Variants in TMEM131 observed in about 807,000 individuals in gnomAD.
The protein encoded by TMEM131 is transmembrane protein 131.
A neutral mutation model predicts 211.6 loss-of-function variants in TMEM131; 66 were observed. The ratio of observed to expected loss-of-function variants is 0.31; its 90% confidence interval spans 0.26 to 0.38. The LOEUF (loss-of-function observed/expected upper bound fraction) is 0.38. Ranked by LOEUF, TMEM131 falls within the 10% of genes least tolerant of loss-of-function variation. The pLI is 1.00. For missense variants in TMEM131, 2,036 were observed against 2,299.3 expected, an observed-to-expected ratio of 0.89 and a Z score of 2.34; for synonymous variants, 844 against 841.3, an observed-to-expected ratio of 1.00 and a Z score of -0.06.
intron 11 of TMEM131, among the ~76,000 whole-genome samples, chr2:97,819,396 A>G (rs1682003001): frequency 6.6e-6 from 1 of 152,210 alleles, no homozygotes; most frequent in African/African-American, 2.4e-5. Flanking sequence ...TTTAAGGTAC[A>G]GTTATTTTTT....
intron 2 of TMEM131, among the ~76,000 whole-genome samples, chr2:97,921,817 G>A (rs978096769): frequency 6.6e-6 from 1 of 152,178 alleles, no homozygotes; most frequent in Admixed American, 6.5e-5. Flanking sequence ...TCAGCTTTAT[G>A]AGAAATCAGG....
intron 5 of TMEM131, among the ~76,000 whole-genome samples, chr2:97,852,312 C>A (rs980098836): frequency 2.0e-5 from 3 of 152,074 alleles, no homozygotes; most frequent in African/African-American, 7.2e-5. Context: ...TAGGTGCACA[C>A]CACCACACCC....
Position 97,834,644 on chromosome 2 carries a change from T to C in TMEM131, c.989A>G (p.Asp330Gly). 1 of 1,566,570 alleles carries C rather than the reference T, an allele frequency of 6.4e-7. No individual in the cohort carries two copies. The highest frequency in any genetic ancestry group is 2.0e-5 in the Admixed American group (1 of 49,640). Reference protein sequence around the residue: ...PGIYSSTEMLDFGTLRTQDLP... With the variant: ...PGIYSSTEMLGFGTLRTQDLP... Reference sequence around the variant, plus strand: ...ACCTTGTGTTCTTAGTGTACCAAAATCTAACATTTCAGTTGAGGAATAAAT... The same window carrying C: ...ACCTTGTGTTCTTAGTGTACCAAAACCTAACATTTCAGTTGAGGAATAAAT... Residue 330 changes from aspartate (D) to glycine (G), a missense_variant, in exon 10 of 41, where the codon GAT (aspartate) becomes GGT (glycine). Asp to Gly is a moderately conservative substitution (Grantham distance 94). This residue lies in a region of TMEM131 where 277 missense variants were observed against 378.0 expected (regional missense o/e 0.73). Coordinates refer to ENST00000186436, the MANE Select transcript of TMEM131 (RefSeq NM_015348.2).
chr2:97,756,517 A>C lies in TMEM131; in HGVS notation c.*582T>G, dbSNP rs6875. 6.6e-6 allele frequency: 1 copy of C among 152,184 alleles called. No individual in the cohort carries two copies. The highest frequency in any genetic ancestry group is 2.4e-5 in the African/African-American group (1 of 41,414). The allele number at this position is 152,184 out of a possible 1,614,324, so 9.4% of individuals were successfully genotyped here. ...CAGCACAGAAAATGCATATGGTCTC[A>C]ACTGAATGTTTTTACATTCATTCAC... On this transcript the variant is annotated 3_prime_UTR_variant, in exon 41 of 41. Coordinates refer to ENST00000186436, the MANE Select transcript of TMEM131 (RefSeq NM_015348.2).
intron 29 of TMEM131, 23 bp downstream of exon 29, chr2:97,794,907 A>C: frequency 6.5e-7 from 1 of 1,543,022 alleles, no homozygotes; most frequent in Middle Eastern, 1.7e-4. Flanking sequence ...AATGAATATG[A>C]ACCTTGAAAC....
intron 10 of TMEM131, 72 bp downstream of exon 10, chr2:97,834,549 C>A: frequency 9.4e-7 from 1 of 1,068,580 alleles, no homozygotes; most frequent in Non-Finnish European, 1.3e-6. Flanking sequence ...CATAGTAGAG[C>A]CATTCAGCAC....
At chr2:97,912,505 A>G (rs1676330196) in intron 2 of TMEM131, among the ~76,000 whole-genome samples, 1 of 152,204 alleles carries the variant, frequency 6.6e-6, no homozygotes, top group African/African-American at 2.4e-5. Context: ...TCTATCAAAT[A>G]TAAGACACTC....
intron 4 of TMEM131, among the ~76,000 whole-genome samples, chr2:97,876,307 A>G: frequency 6.6e-6 from 1 of 152,240 alleles, no homozygotes; most frequent in Non-Finnish European, 1.5e-5. Flanking sequence ...TTCCTTCTGA[A>G]ACTATTCCAA....
intron 31 of TMEM131, among the ~76,000 whole-genome samples, chr2:97,789,650 G>A (rs953006030): frequency 3.3e-5 from 5 of 152,202 alleles, no homozygotes; most frequent in Admixed American, 6.5e-5. Context: ...AGCCAGAAAC[G>A]AGAATGGCCA....
intron 5 of TMEM131, among the ~76,000 whole-genome samples, chr2:97,845,184 T>TCA (rs1363433393): frequency 2.0e-5 from 3 of 152,050 alleles, no homozygotes; most frequent in African/African-American, 7.2e-5. Context: ...AGTGAGATTA[T>TCA]CAACTAGCCT....
At chr2:97,908,573 G>T in intron 3 of TMEM131, 85 bp downstream of exon 3, 1 of 977,640 alleles carries the variant, frequency 1.0e-6, no homozygotes, top group South Asian at 1.5e-5. Context: ...TCACCAAAAT[G>T]AGCAAGGGGA....
At chr2:97,807,865 T>C (rs1398084216) in intron 19 of TMEM131, among the ~76,000 whole-genome samples, 2 of 152,208 alleles carry the variant, frequency 1.3e-5, no homozygotes, top group Admixed American at 6.5e-5. Context: ...CAAAGTGGAA[T>C]GACAGGAAGA....
chr2:97,991,253 A>G (rs139451115), intron 1 of TMEM131, among the ~76,000 whole-genome samples: 1 of 152,322 alleles, frequency 6.6e-6, no homozygotes, highest in East Asian at 1.9e-4. Flanking sequence ...TAAGTAGCTA[A>G]CAAGGCAGTA....
At chr2:97,970,542 A>C (rs1679252598) in intron 1 of TMEM131, among the ~76,000 whole-genome samples, 1 of 152,224 alleles carries the variant, frequency 6.6e-6, no homozygotes, top group African/African-American at 2.4e-5. Context: ...AAGGACACAC[A>C]CAACAAGTAA....
chr2:97,898,872 T>C (rs1332826418), intron 3 of TMEM131, among the ~76,000 whole-genome samples: 2 of 152,164 alleles, frequency 1.3e-5, no homozygotes, highest in Non-Finnish European at 2.9e-5. Context: ...TGATTTCTAA[T>C]TTAATTTTGC....
intron 3 of TMEM131, among the ~76,000 whole-genome samples, chr2:97,906,035 C>A (rs1676052428): frequency 6.6e-6 from 1 of 152,154 alleles, no homozygotes; most frequent in Admixed American, 6.5e-5. Flanking sequence ...TGAAGAGGGT[C>A]TTATAAACGG....
At chr2:97,841,973 G>T in intron 6 of TMEM131, 36 bp from the exon 7 acceptor site, 4 of 1,463,764 alleles carry the variant, frequency 2.7e-6, no homozygotes, top group South Asian at 2.9e-5. Context: ...AATTTTAGTT[G>T]CTTTTATAAT....
chr2:97,863,358 T>C (rs1674144423), intron 4 of TMEM131, among the ~76,000 whole-genome samples: 3 of 152,096 alleles, frequency 2.0e-5, no homozygotes, highest in Non-Finnish European at 4.4e-5. Context: ...TGAGTAATAC[T>C]CCGCAAGCAC....
chr2:97,838,426 CTTTTTTTTTTTTTTTTTT>C lies in TMEM131; in HGVS notation c.724-1287_724-1270del, dbSNP rs753635047. Reference sequence around the variant, plus strand: ...AAAAATGGCAATTCTTAAGCTTAAACTTTTTTTTTTTTTTTTTTTTTTTTTTTTTTTTTTTTGAGACGG... The same window carrying C: ...AAAAATGGCAATTCTTAAGCTTAAACTTTTTTTTTTTTTTTTTTGAGACGG... On this transcript the variant is annotated intron_variant, in intron 7 of 40. Transcript: ENST00000186436. Among the ~76,000 whole-genome samples, 259 of 89,086 alleles carry C rather than the reference CTTTTTTTTTTTTTTTTTT, an allele frequency of 2.9e-3. 3 individuals carry two copies. Among genetic ancestry groups the C allele is most frequent in the Middle Eastern group, 0.012 (2 of 172 alleles). The allele number at this position is 89,086 out of a possible 152,430, so 58.4% of individuals were successfully genotyped here.
Sources: gnomAD v4.1 joint callset for allele counts (sites outside exome capture counted in the v4.1 genomes callset) on GRCh38, gnomAD v4.1.1 for gene constraint, gnomAD v4.1.1 regional missense constraint, MANE v1.5 for transcripts, NCBI Gene and HGNC (gene_info 2026-07-23, HGNC 2026-07-21) for gene names.